Variants in PPARGC1A observed in about 807,000 individuals in gnomAD.
The protein encoded by PPARGC1A is PPARG coactivator 1 alpha.
PPARGC1A carries 25 observed loss-of-function variants against 88.7 expected under a neutral mutation model. The observed-to-expected ratio is 0.28, with a 90% confidence interval of 0.21 to 0.39. PPARGC1A has a LOEUF of 0.39. Among genes scored for constraint, PPARGC1A ranks in the 10% least tolerant of loss-of-function variants. The pLI, the probability that PPARGC1A is intolerant of heterozygous loss-of-function variation, is 1.00. For synonymous variants in PPARGC1A, 363 were observed against 355.6 expected, an observed-to-expected ratio of 1.02 and a Z score of -0.24; for missense variants, 880 against 968.7, an observed-to-expected ratio of 0.91 and a Z score of 1.22.
the PPARGC1A span, among the ~76,000 whole-genome samples, chr4:24,205,876 C>T: frequency 1.1e-4 from 17 of 152,134 alleles, no homozygotes; most frequent in Non-Finnish European, 2.2e-4. Flanking sequence ...ATTCAGTAAG[C>T]ACAATATATG....
the PPARGC1A span, among the ~76,000 whole-genome samples, chr4:24,080,520 TCTTACTGTGAA>T: frequency 6.6e-6 from 1 of 152,098 alleles, no homozygotes; most frequent in East Asian, 1.9e-4. Context: ...CTTTTCCACA[TCTTACTGTGAA>T]CCAGGTATTA....
the PPARGC1A span, among the ~76,000 whole-genome samples, chr4:24,158,903 T>C: frequency 2.0e-5 from 3 of 152,186 alleles, no homozygotes; most frequent in African/African-American, 7.2e-5. Context: ...TCAATCACTC[T>C]AAAATATACC....
At chr4:24,046,726 C>T in the PPARGC1A span, among the ~76,000 whole-genome samples, 1 of 152,186 alleles carries the variant, frequency 6.6e-6, no homozygotes, top group Non-Finnish European at 1.5e-5. Flanking sequence ...TAAGTATGAC[C>T]ATGTGAGTGG....
At chr4:24,402,921 T>C in the PPARGC1A span, among the ~76,000 whole-genome samples, 3 of 152,354 alleles carry the variant, frequency 2.0e-5, no homozygotes, top group South Asian at 6.2e-4. Flanking sequence ...CCCCACAGCC[T>C]AGTATGATGC....
the PPARGC1A span, among the ~76,000 whole-genome samples, chr4:24,195,491 A>G: frequency 6.6e-6 from 1 of 152,200 alleles, no homozygotes; most frequent in Non-Finnish European, 1.5e-5. Context: ...TTGAGTCCAC[A>G]TAGCTCAAAG....
chr4:23,910,222 A>ATTATATATAATATATATAAAT, the PPARGC1A span, among the ~76,000 whole-genome samples: 107 of 87,854 alleles, frequency 1.2e-3, no homozygotes, highest in Non-Finnish European at 2.0e-3. Context: ...TATAATATAT[A>ATTATATATAATATATATAAAT]ATATATTATA....
At chr4:23,846,869 G>C (rs1321689039) in intron 2 of PPARGC1A, among the ~76,000 whole-genome samples, 1 of 152,106 alleles carries the variant, frequency 6.6e-6, no homozygotes, top group Non-Finnish European at 1.5e-5. Context: ...AGCCAAAATA[G>C]ATTTAAAAAT....
chr4:24,453,274 ACAC>A, the PPARGC1A span, among the ~76,000 whole-genome samples: 1 of 152,214 alleles, frequency 6.6e-6, no homozygotes, highest in South Asian at 2.1e-4. Flanking sequence ...GTTGTTTAAG[ACAC>A]CGAGCCCGTG....
At chr4:23,913,214 T>C in the PPARGC1A span, among the ~76,000 whole-genome samples, 1 of 140,502 alleles carries the variant, frequency 7.1e-6, no homozygotes, top group Non-Finnish European at 1.5e-5. Flanking sequence ...AATCTCTCAA[T>C]TGGTAGATAT....
At chr4:24,003,271 T>C in the PPARGC1A span, among the ~76,000 whole-genome samples, 1 of 152,128 alleles carries the variant, frequency 6.6e-6, no homozygotes, top group South Asian at 2.1e-4. Context: ...TCAAGTTTTC[T>C]TACCCTCCAA....
rs774070041 is a variant in PPARGC1A at position 23,869,829 on chromosome 4, G to A, written c.234+14923C>T. ...AGCCATGAAGGAGAAAAGTATAGGC[G>A]ATTTCATTCTAAAGTAATGTGGGAA... is the stretch of plus-strand genomic sequence containing the variant. On this transcript the variant is annotated intron_variant, in intron 2 of 12. Coordinates refer to ENST00000264867, the MANE Select transcript of PPARGC1A (RefSeq NM_013261.5). Among the ~76,000 whole-genome samples, 19 of 152,190 alleles carry A rather than the reference G, an allele frequency of 1.2e-4. No individual in the cohort carries two copies. The East Asian group carries it at 1.5e-3, about 12-fold the overall frequency.
chr4:23,839,584 A>G (rs866558384), intron 2 of PPARGC1A, among the ~76,000 whole-genome samples: 1 of 151,980 alleles, frequency 6.6e-6, no homozygotes, highest in South Asian at 2.1e-4. Context: ...AAACAACTCA[A>G]CTCTCTGGCT....
the PPARGC1A span, among the ~76,000 whole-genome samples, chr4:24,092,789 G>A: frequency 9.8e-5 from 15 of 152,296 alleles, no homozygotes; most frequent in African/African-American, 3.6e-4. Flanking sequence ...CTACTAAAGT[G>A]TCTAATTTCC....
chr4:24,056,136 G>A, the PPARGC1A span, among the ~76,000 whole-genome samples: 2 of 152,204 alleles, frequency 1.3e-5, no homozygotes, highest in Non-Finnish European at 2.9e-5. Context: ...GCAGATTTGG[G>A]ACTCCAATCT....
chr4:23,862,008 A>C (rs6829564), intron 2 of PPARGC1A, among the ~76,000 whole-genome samples: 1,811 of 152,338 alleles, frequency 0.012, 40 homozygotes, highest in African/African-American at 0.041. Context: ...CAAAAATCTT[A>C]GTCAATCAGT....
the PPARGC1A span, among the ~76,000 whole-genome samples, chr4:24,296,179 GTGTA>G: frequency 6.7e-6 from 1 of 149,278 alleles, no homozygotes. Context: ...TTATATGTGT[GTGTA>G]TGTGTGTATG....
the PPARGC1A span, among the ~76,000 whole-genome samples, chr4:24,430,460 A>G: frequency 2.0e-5 from 3 of 151,336 alleles, no homozygotes; most frequent in African/African-American, 7.3e-5. Context: ...ACGGGGTTTC[A>G]CCGTGTTAGC....
chr4:23,911,880 C>G, the PPARGC1A span, among the ~76,000 whole-genome samples: 1 of 152,140 alleles, frequency 6.6e-6, no homozygotes, highest in African/African-American at 2.4e-5. Context: ...CAGCAGATCT[C>G]TAGAATTTAG....
At chr4:24,042,663 T>C in the PPARGC1A span, among the ~76,000 whole-genome samples, 7 of 152,318 alleles carry the variant, frequency 4.6e-5, no homozygotes, top group Non-Finnish European at 7.4e-5. Flanking sequence ...AGGTGATGTC[T>C]GCTTTCTCAT....
Sources: allele counts gnomAD v4.1 joint callset (sites outside exome capture counted in the v4.1 genomes callset), GRCh38; gene constraint gnomAD v4.1.1; transcripts MANE v1.5; gene names NCBI Gene and HGNC (gene_info 2026-07-23, HGNC 2026-07-21).